PHACTR1: variants seen among roughly 807,000 people sequenced by gnomAD.
PHACTR1 encodes the protein RPEL repeat containing 1.
A neutral mutation model predicts 69.2 loss-of-function variants in PHACTR1; 16 were observed. That is an observed-to-expected ratio of 0.23 (90% CI 0.16 to 0.35). The LOEUF is 0.35. Ranked by LOEUF, PHACTR1 falls within the 10% of genes least tolerant of loss-of-function variation. The pLI is 1.00. For missense variants in PHACTR1, 510 were observed against 734.7 expected (o/e 0.69, Z 3.54); for synonymous variants, 312 against 284.5 (o/e 1.10, Z -0.97).
intron 4 of PHACTR1, among the ~76,000 whole-genome samples, chr6:12,968,908 T>C (rs1793823856): frequency 6.6e-6 from 1 of 151,734 alleles, no homozygotes; most frequent in African/African-American, 2.4e-5. Context: ...AAGAAAGTGG[T>C]TATCAAACTT....
intron 4 of PHACTR1, among the ~76,000 whole-genome samples, chr6:12,976,830 G>A (rs2127588621): frequency 6.6e-6 from 1 of 152,226 alleles, no homozygotes; most frequent in East Asian, 1.9e-4. Context: ...TCACGTAACT[G>A]ATTTTACTTA....
chr6:12,844,338 A>G (rs1016834572), intron 4 of PHACTR1, among the ~76,000 whole-genome samples: 3 of 152,106 alleles, frequency 2.0e-5, no homozygotes, highest in African/African-American at 7.2e-5. Flanking sequence ...TTGAGACTGC[A>G]ATGAGCTGTG....
intron 4 of PHACTR1, among the ~76,000 whole-genome samples, chr6:13,050,261 T>C (rs1805729788): frequency 1.3e-5 from 2 of 152,236 alleles, no homozygotes; most frequent in Admixed American, 1.3e-4. Flanking sequence ...TTGTCGTAGC[T>C]GTGTTGTTGT....
intron 4 of PHACTR1, among the ~76,000 whole-genome samples, chr6:13,015,768 A>T (rs1403588169): frequency 1.3e-5 from 2 of 152,204 alleles, no homozygotes; most frequent in Non-Finnish European, 2.9e-5. Flanking sequence ...ATGTATTTTA[A>T]CCTACAGCAC....
intron 4 of PHACTR1, among the ~76,000 whole-genome samples, chr6:13,011,376 C>T (rs558034972): frequency 3.9e-4 from 60 of 152,312 alleles, no homozygotes; most frequent in Non-Finnish European, 7.2e-4. Flanking sequence ...AGGCTGCAAA[C>T]TCAGGGAGGA....
At chr6:12,893,179 A>G (rs1784323390) in intron 4 of PHACTR1, among the ~76,000 whole-genome samples, 1 of 152,178 alleles carries the variant, frequency 6.6e-6, no homozygotes, top group Admixed American at 6.5e-5. Context: ...TGTAAGCCAT[A>G]TCTTACAGGC....
At chr6:12,903,710 T>C (rs1037908930) in intron 4 of PHACTR1, among the ~76,000 whole-genome samples, 3 of 152,238 alleles carry the variant, frequency 2.0e-5, no homozygotes, top group Admixed American at 2.0e-4. Context: ...TCTATGCCCT[T>C]GAGATCATAT....
intron 5 of PHACTR1, among the ~76,000 whole-genome samples, chr6:13,130,067 A>G (rs1426043273): frequency 5.3e-5 from 8 of 152,196 alleles, no homozygotes; most frequent in African/African-American, 1.7e-4. Context: ...TGGGTCAACA[A>G]TGAAATCAAG....
At chr6:13,170,512 A>G (rs1204756787) in intron 6 of PHACTR1, among the ~76,000 whole-genome samples, 2 of 152,168 alleles carry the variant, frequency 1.3e-5, no homozygotes, top group African/African-American at 4.8e-5. Flanking sequence ...ATTGACCTTT[A>G]TAACTGGAAA....
At chr6:12,890,279 G>A (rs1396945852) in intron 4 of PHACTR1, among the ~76,000 whole-genome samples, 1 of 152,106 alleles carries the variant, frequency 6.6e-6, no homozygotes, top group Non-Finnish European at 1.5e-5. Flanking sequence ...TTGTCTTCCA[G>A]GAAACTGGTA....
chr6:12,982,704 G>C (rs1174628890), intron 4 of PHACTR1, among the ~76,000 whole-genome samples: 3 of 152,080 alleles, frequency 2.0e-5, no homozygotes, highest in Admixed American at 6.6e-5. Context: ...CCCTTTCCAG[G>C]CTTGCTCTCA....
At chr6:12,771,524 G>T (rs1769370447) in intron 4 of PHACTR1, among the ~76,000 whole-genome samples, 1 of 152,176 alleles carries the variant, frequency 6.6e-6, no homozygotes, top group African/African-American at 2.4e-5. Flanking sequence ...GGTAAGATCT[G>T]GGTCAAAGAT....
intron 6 of PHACTR1, among the ~76,000 whole-genome samples, chr6:13,176,052 G>T (rs987356034): frequency 6.6e-6 from 1 of 152,124 alleles, no homozygotes; most frequent in Admixed American, 6.5e-5. Flanking sequence ...AGGGGCAAGA[G>T]GGTAGGCAAG....
intron 4 of PHACTR1, among the ~76,000 whole-genome samples, chr6:12,992,092 G>T (rs1796886842): frequency 6.6e-6 from 1 of 152,030 alleles, no homozygotes; most frequent in South Asian, 2.1e-4. Flanking sequence ...CTACAGAGAA[G>T]GGTGAGCTCT....
At chr6:13,064,642 A>T in intron 5 of PHACTR1, among the ~76,000 whole-genome samples, 1 of 118,720 alleles carries the variant, frequency 8.4e-6, no homozygotes. Flanking sequence ...CAGACTATGG[A>T]GGATTCACCA....
intron 4 of PHACTR1, among the ~76,000 whole-genome samples, chr6:12,978,459 T>C (rs1243427416): frequency 6.6e-6 from 1 of 152,208 alleles, no homozygotes; most frequent in Non-Finnish European, 1.5e-5. Context: ...CCTCCATGCC[T>C]GCTGCCCTGC....
intron 4 of PHACTR1, among the ~76,000 whole-genome samples, chr6:12,868,065 C>G (rs1781640617): frequency 6.6e-6 from 1 of 152,040 alleles, no homozygotes; most frequent in Admixed American, 6.6e-5. Flanking sequence ...GGAGACCATC[C>G]TGGCCAAATG....
At chr6:13,164,353 T>C (rs80213523) in intron 6 of PHACTR1, among the ~76,000 whole-genome samples, 1,874 of 152,316 alleles carry the variant, frequency 0.012, 38 homozygotes, top group African/African-American at 0.039. Context: ...TTCGGAGCAA[T>C]CATTCCATAT....
At chr6:13,284,548 A>ATATATATATATATATATAGATACACG (rs1781161741) in intron 13 of PHACTR1, among the ~76,000 whole-genome samples, 3 of 85,018 alleles carry the variant, frequency 3.5e-5, no homozygotes, top group African/African-American at 1.3e-4. Context: ...AAAAAAATAT[A>ATATATATATATATATATAGATACACG]TATATATATA....
Sources: gnomAD v4.1 joint callset for allele counts (sites outside exome capture counted in the v4.1 genomes callset) on GRCh38, gnomAD v4.1.1 for gene constraint, MANE v1.5 for transcripts, NCBI Gene and HGNC (gene_info 2026-07-23, HGNC 2026-07-21) for gene names.